Variants in SEC24B observed in about 807,000 individuals in gnomAD.
The protein encoded by SEC24B is protein transport protein Sec24B.
SEC24B carries 45 observed loss-of-function variants against 142.8 expected under a neutral mutation model. That is an observed-to-expected ratio of 0.32 (90% CI 0.25 to 0.40). The LOEUF is 0.40. Ranked by LOEUF, SEC24B falls within the 10% of genes least tolerant of loss-of-function variation. The pLI, the probability that SEC24B is intolerant of heterozygous loss-of-function variation, is 1.00. For synonymous variants in SEC24B, 574 were observed against 568.2 expected, an observed-to-expected ratio of 1.01 and a Z score of -0.15; for missense variants, 1,409 against 1,526.8, an observed-to-expected ratio of 0.92 and a Z score of 1.29.
At chr4:109,501,842 A>G (rs954164802) in intron 6 of SEC24B, among the ~76,000 whole-genome samples, 5 of 152,238 alleles carry the variant, frequency 3.3e-5, no homozygotes, top group African/African-American at 1.2e-4. Context: ...CTGTGGCAGT[A>G]CTATTCTAGG....
chr4:109,449,414 T>TTTTTG, intron 1 of SEC24B: 1 of 359,794 alleles, frequency 2.8e-6, no homozygotes, highest in South Asian at 2.0e-5. Context: ...TTTTTTTTTG[T>TTTTTG]AGAGACGGGA....
intron 1 of SEC24B, among the ~76,000 whole-genome samples, chr4:109,450,233 G>A (rs908601370): frequency 8.6e-5 from 13 of 152,036 alleles, no homozygotes; most frequent in Admixed American, 7.9e-4. Flanking sequence ...AGGGAAAAAA[G>A]GGAATTAAAC....
chr4:109,498,080 T>G (rs1357047551), intron 6 of SEC24B, among the ~76,000 whole-genome samples: 1 of 152,196 alleles, frequency 6.6e-6, no homozygotes, highest in Non-Finnish European at 1.5e-5. Flanking sequence ...GACCTTGCAG[T>G]ACAGAATTAA....
intron 6 of SEC24B, among the ~76,000 whole-genome samples, chr4:109,502,481 A>G (rs1736249397): frequency 1.3e-5 from 2 of 152,228 alleles, no homozygotes; most frequent in African/African-American, 4.8e-5. Flanking sequence ...GTGCTAAGGT[A>G]GTATCATGGA....
intron 1 of SEC24B, among the ~76,000 whole-genome samples, chr4:109,441,270 C>T (rs1346566122): frequency 6.6e-6 from 1 of 152,072 alleles, no homozygotes; most frequent in Non-Finnish European, 1.5e-5. Context: ...TCCTTACCAA[C>T]GATTTGAATT....
intron 5 of SEC24B, among the ~76,000 whole-genome samples, chr4:109,492,063 G>C (rs1349323468): frequency 6.6e-6 from 1 of 151,228 alleles, no homozygotes; most frequent in African/African-American, 2.4e-5. Flanking sequence ...AAAACTAACA[G>C]AAAAAGCAGT....
intron 1 of SEC24B, among the ~76,000 whole-genome samples, chr4:109,446,301 T>G (rs1187211719): frequency 6.6e-6 from 1 of 152,036 alleles, no homozygotes; most frequent in Non-Finnish European, 1.5e-5. Flanking sequence ...GAAGCAGAAG[T>G]TAGAGTGATG....
intron 18 of SEC24B, among the ~76,000 whole-genome samples, chr4:109,528,628 A>G (rs957993458): frequency 6.6e-6 from 1 of 152,148 alleles, no homozygotes; most frequent in African/African-American, 2.4e-5. Flanking sequence ...ATGGCTATGC[A>G]TTTGACACAT....
At chr4:109,513,194 C>G (rs1370773313) in intron 9 of SEC24B, among the ~76,000 whole-genome samples, 4 of 151,352 alleles carry the variant, frequency 2.6e-5, no homozygotes, top group Non-Finnish European at 5.9e-5. Context: ...AGGCTGGTCT[C>G]GAACTCCTGA....
intron 14 of SEC24B, among the ~76,000 whole-genome samples, chr4:109,522,961 C>T (rs536569319): frequency 7.0e-4 from 107 of 152,100 alleles, no homozygotes; most frequent in African/African-American, 2.4e-3. Context: ...CTCAAACTGC[C>T]GAGATCAAGC....
At chr4:109,539,159 A>G (rs1471088774) in intron 23 of SEC24B, among the ~76,000 whole-genome samples, 1 of 151,840 alleles carries the variant, frequency 6.6e-6, no homozygotes, top group Non-Finnish European at 1.5e-5. Flanking sequence ...ACAGGGTTTC[A>G]CCATGTTGGC....
rs1454641079 is a variant in SEC24B, at chr4:109,521,453, A to G, written c.2335A>G (p.Met779Val). The G allele has an allele frequency of 3.1e-6, 5 of 1,614,068 alleles. No homozygotes were observed. Among genetic ancestry groups the G allele is most frequent in the Non-Finnish European group, 4.2e-6 (5 of 1,179,990 alleles). Residue 779 changes from methionine to valine, a missense_variant, in exon 14 of 24, where the codon ATG (methionine) becomes GTG (valine). By Grantham distance (21) the Met-to-Val change is conservative. Around this residue, in one of 2 missense-constraint regions of SEC24B, gnomAD observed 700 missense variants for 853.3 expected, o/e 0.82. Transcript: ENST00000265175. ...IKDLLNALPN[M>V]FTNTRETHSA... ...AGACTTACTGAATGCATTACCAAAC[A>G]TGTTCACCAATACAAGAGAAACACA...
At chr4:109,456,334 G>GTTTTTTTTTTTTTTTTTTTTTTT (rs70949081) in intron 1 of SEC24B, among the ~76,000 whole-genome samples, 1 of 94,106 alleles carries the variant, frequency 1.1e-5, no homozygotes, top group Non-Finnish European at 2.1e-5. Flanking sequence ...GGTTTTTTTT[G>GTTTTTTTTTTTTTTTTTTTTTTT]TTTTTTTTTT....
At chr4:109,519,049 C>T (rs1211818116) in intron 11 of SEC24B, among the ~76,000 whole-genome samples, 1 of 152,064 alleles carries the variant, frequency 6.6e-6, no homozygotes, top group East Asian at 1.9e-4. Context: ...TCAAGCGATC[C>T]ACCCACCTCG....
chr4:109,535,697 A>G (rs990738288), intron 22 of SEC24B, among the ~76,000 whole-genome samples: 1 of 151,904 alleles, frequency 6.6e-6, no homozygotes, highest in Non-Finnish European at 1.5e-5. Flanking sequence ...AAATACAAAA[A>G]AACAATTAGC....
At chr4:109,501,742 G>A (rs1736172359) in intron 6 of SEC24B, among the ~76,000 whole-genome samples, 2 of 152,188 alleles carry the variant, frequency 1.3e-5, no homozygotes, top group East Asian at 1.9e-4. Flanking sequence ...AAAGTGCTGG[G>A]ATTACAGGCG....
At position 109,478,570 on chromosome 4, in the gene SEC24B, A is replaced by G. The variant is rs1002860232; in HGVS notation, c.1061-3107A>G. On this transcript the variant is annotated intron_variant, in intron 3 of 23. Transcript: ENST00000265175. ...TTTATAGATAATGTAAGTGAAGAACAGAGGTTAGTAACTTGCTCAAGGACA... is the reference window on the plus strand; with the variant it reads ...TTTATAGATAATGTAAGTGAAGAACGGAGGTTAGTAACTTGCTCAAGGACA... 3.3e-5 allele frequency among the ~76,000 whole-genome samples: 5 copies of G among 152,332 alleles called. No individual in the cohort carries two copies. In the East Asian group the frequency reaches 7.7e-4, roughly 24 times the overall value.
chr4:109,467,487 A>G (rs951298249), intron 2 of SEC24B, among the ~76,000 whole-genome samples: 1 of 152,212 alleles, frequency 6.6e-6, no homozygotes, highest in Admixed American at 6.5e-5. Flanking sequence ...TCTCTAGTAT[A>G]GTCAAGTAAC....
At chr4:109,460,693 A>G (rs1220673086) in intron 1 of SEC24B, among the ~76,000 whole-genome samples, 1 of 151,910 alleles carries the variant, frequency 6.6e-6, no homozygotes, top group Non-Finnish European at 1.5e-5. Context: ...AATACTATTT[A>G]CTTTAGAGGA....
Sources: gnomAD v4.1 joint callset for allele counts (sites outside exome capture counted in the v4.1 genomes callset) on GRCh38, gnomAD v4.1.1 for gene constraint, gnomAD v4.1.1 regional missense constraint, MANE v1.5 for transcripts, NCBI Gene and HGNC (gene_info 2026-07-23, HGNC 2026-07-21) for gene names.